Variants in SLC8A1 observed in about 807,000 individuals in gnomAD.
The protein encoded by SLC8A1 is sodium/calcium exchanger 1.
In SLC8A1, 18 loss-of-function variants were observed where a neutral mutation model predicts 68.3. The ratio of observed to expected loss-of-function variants is 0.26; its 90% confidence interval spans 0.18 to 0.39. SLC8A1 has a LOEUF of 0.39. SLC8A1 is among the 10% of genes least tolerant of loss of function. The probability of loss-of-function intolerance (pLI) is 1.00; values close to 1 mark genes in which losing one functional copy is unlikely to be tolerated. For synonymous variants in SLC8A1, 475 were observed against 415.5 expected, an observed-to-expected ratio of 1.14 and a Z score of -1.74; for missense variants, 985 against 1,156.7, an observed-to-expected ratio of 0.85 and a Z score of 2.15.
intron 2 of SLC8A1, among the ~76,000 whole-genome samples, chr2:40,242,135 TGTGTGTGTGTGC>T (rs2061305928): frequency 6.6e-6 from 1 of 151,774 alleles, no homozygotes; most frequent in South Asian, 2.1e-4. Flanking sequence ...GAGAAGGATG[TGTGTGTGTGTGC>T]GTGTGTGTGT....
At chr2:40,290,673 C>T (rs1486219565) in intron 2 of SLC8A1, among the ~76,000 whole-genome samples, 3 of 152,028 alleles carry the variant, frequency 2.0e-5, no homozygotes, top group African/African-American at 7.2e-5. Flanking sequence ...ATTTTATTTG[C>T]CAGAGGTAAT....
chr2:40,271,646 A>G (rs1312816220), intron 2 of SLC8A1, among the ~76,000 whole-genome samples: 1 of 152,162 alleles, frequency 6.6e-6, no homozygotes, highest in Non-Finnish European at 1.5e-5. Flanking sequence ...ACTCCCTGGG[A>G]GCCAAGAACA....
chr2:40,160,993 T>C (rs1056900281), intron 5 of SLC8A1, 129 bp from the exon 9 acceptor site: 6 of 651,808 alleles, frequency 9.2e-6, no homozygotes, highest in Admixed American at 5.2e-5. Context: ...AACAACAGTA[T>C]TGACATCAAA....
At chr2:40,341,738 G>T (rs1045684574) in intron 2 of SLC8A1, among the ~76,000 whole-genome samples, 1 of 152,052 alleles carries the variant, frequency 6.6e-6, no homozygotes, top group Non-Finnish European at 1.5e-5. Context: ...TTTAAACTCT[G>T]GGGTTCTACA....
intron 2 of SLC8A1, among the ~76,000 whole-genome samples, chr2:40,178,043 T>G (rs2048787690): frequency 6.6e-6 from 1 of 152,194 alleles, no homozygotes; most frequent in African/African-American, 2.4e-5. Context: ...CTTTGCTAAT[T>G]TATCACTTTC....
chr2:40,366,390 C>T (rs1676202519), intron 2 of SLC8A1, among the ~76,000 whole-genome samples: 1 of 152,044 alleles, frequency 6.6e-6, no homozygotes, highest in Non-Finnish European at 1.5e-5. Flanking sequence ...GAAGTTACTT[C>T]ACCAGAAAAA....
chr2:40,439,779 A>G (rs1256074461), intron 1 of SLC8A1, among the ~76,000 whole-genome samples: 1 of 152,128 alleles, frequency 6.6e-6, no homozygotes. Flanking sequence ...CCTTGAAAGA[A>G]TAAGCTCTTC....
chr2:40,403,918 C>G (rs987874965), intron 2 of SLC8A1, among the ~76,000 whole-genome samples: 4 of 152,104 alleles, frequency 2.6e-5, no homozygotes, highest in African/African-American at 9.7e-5. Flanking sequence ...AGCTTTTTTT[C>G]TGAATATTAG....
chr2:40,248,845 C>T (rs1036415214), intron 2 of SLC8A1, among the ~76,000 whole-genome samples: 1 of 152,122 alleles, frequency 6.6e-6, no homozygotes, highest in African/African-American at 2.4e-5. Context: ...AGGTTCGTTT[C>T]TGGTTGGACG....
chr2:40,209,909 A>G lies in SLC8A1; in HGVS notation c.1809-32054T>C, dbSNP rs573299193. ...CAGAGGAAATGGACTAGGGAAATAC[A>G]GATTGACTTATGACATCATCAAGTG... On this transcript the variant is annotated intron_variant, in intron 2 of 7. Coordinates refer to ENST00000406785, the Ensembl canonical transcript of SLC8A1. 5.2e-4 allele frequency: 80 copies of G among 152,390 alleles called. 1 individual carries two copies. Among genetic ancestry groups the G allele is most frequent in the African/African-American group, 1.8e-3 (74 of 41,570 alleles). The allele number at this position is 152,390 out of a possible 1,614,324, so 9.4% of individuals were successfully genotyped here. A position where few individuals can be genotyped will look rare whatever the true frequency, so the allele number is the denominator to read the frequency against.
At chr2:40,492,480 C>T (rs1288701248) in intron 1 of SLC8A1, among the ~76,000 whole-genome samples, 1 of 151,956 alleles carries the variant, frequency 6.6e-6, no homozygotes. Context: ...CAACAAAAGC[C>T]AAAATTGACA....
intron 2 of SLC8A1, among the ~76,000 whole-genome samples, chr2:40,287,226 T>C (rs2068464861): frequency 6.6e-6 from 1 of 152,144 alleles, no homozygotes; most frequent in Non-Finnish European, 1.5e-5. Context: ...ATGTCTAAAT[T>C]AGTAGAAAAG....
intron 1 of SLC8A1, among the ~76,000 whole-genome samples, chr2:40,501,295 C>T (rs1014109852): frequency 2.6e-5 from 4 of 152,034 alleles, no homozygotes; most frequent in South Asian, 4.1e-4. Flanking sequence ...ACCCCAGTGA[C>T]ATTAACACCC....
chr2:40,205,633 A>G (rs188600868), intron 2 of SLC8A1, among the ~76,000 whole-genome samples: 1 of 152,086 alleles, frequency 6.6e-6, no homozygotes, highest in African/African-American at 2.4e-5. Flanking sequence ...AACAACACAC[A>G]CTGGGGCCTT....
At chr2:40,440,076 G>A (rs1386714823) in intron 1 of SLC8A1, among the ~76,000 whole-genome samples, 2 of 151,994 alleles carry the variant, frequency 1.3e-5, no homozygotes, top group Non-Finnish European at 2.9e-5. Context: ...TGGTGACATG[G>A]GAAAACACAA....
intron 2 of SLC8A1, chr2:40,190,622 G>T (rs960710718): frequency 1.3e-5 from 2 of 152,110 alleles, no homozygotes; most frequent in Non-Finnish European, 2.9e-5. Context: ...GTCACGCTGA[G>T]GGATGCCTTA....
intron 7 of SLC8A1, 50 bp downstream of exon 10, chr2:40,139,351 G>T: frequency 6.3e-7 from 1 of 1,594,610 alleles, no homozygotes; most frequent in Non-Finnish European, 8.6e-7. Flanking sequence ...TGTCAAGAAG[G>T]CAAATGAACT....
intron 2 of SLC8A1, among the ~76,000 whole-genome samples, chr2:40,378,668 T>C (rs996268648): frequency 6.6e-6 from 1 of 152,108 alleles, no homozygotes; most frequent in African/African-American, 2.4e-5. Context: ...CTGCCCGTCA[T>C]CTGCAGAGAA....
chr2:40,231,174 T>G (rs748312677), intron 2 of SLC8A1, among the ~76,000 whole-genome samples: 2 of 152,196 alleles, frequency 1.3e-5, no homozygotes, highest in Non-Finnish European at 2.9e-5. Flanking sequence ...AGAGAGGTGC[T>G]GGTTCTTGGC....
Sources: gnomAD v4.1 joint callset for allele counts (sites outside exome capture counted in the v4.1 genomes callset) on GRCh38, gnomAD v4.1.1 for gene constraint, MANE v1.5 for transcripts, NCBI Gene and HGNC (gene_info 2026-07-23, HGNC 2026-07-21) for gene names.